Variants in FGF12 observed in about 807,000 individuals in gnomAD.
FGF12 encodes fibroblast growth factor 12.
A neutral mutation model predicts 23.6 loss-of-function variants in FGF12; 14 were observed. The ratio of observed to expected loss-of-function variants is 0.59; its 90% CI spans 0.39 to 0.93. The LOEUF is 0.93. Ranked by LOEUF, FGF12 falls within the 40% of genes least tolerant of loss-of-function variation. The pLI, the probability that FGF12 is intolerant of heterozygous loss-of-function variation, is 0.00. For synonymous variants in FGF12, 62 were observed against 77.3 expected (o/e 0.80, Z 1.04); for missense variants, 175 against 217.8 (o/e 0.80, Z 1.24).
At chr3:192,711,497 G>A (rs981947101) in intron 2 of FGF12, among the ~76,000 whole-genome samples, 18 of 152,108 alleles carry the variant, frequency 1.2e-4, no homozygotes, top group South Asian at 4.2e-4. Context: ...CGGTTTTGTC[G>A]AATAGAAAAG....
intron 2 of FGF12, among the ~76,000 whole-genome samples, chr3:192,676,619 A>G (rs1717335191): frequency 6.6e-6 from 1 of 152,230 alleles, no homozygotes; most frequent in Non-Finnish European, 1.5e-5. Context: ...ATGTAACCAT[A>G]TTTTGAGATA....
intron 2 of FGF12, among the ~76,000 whole-genome samples, chr3:192,416,489 A>G (rs1011197225): frequency 1.1e-4 from 17 of 152,142 alleles, no homozygotes; most frequent in Non-Finnish European, 2.1e-4. Context: ...TTGTGAAATG[A>G]GAAAAAGTGT....
chr3:192,507,623 A>G (rs1724354236), intron 2 of FGF12, among the ~76,000 whole-genome samples: 1 of 152,160 alleles, frequency 6.6e-6, no homozygotes, highest in South Asian at 2.1e-4. Context: ...GTTTTAGACA[A>G]TGCAACACCA....
At chr3:192,429,205 C>T (rs1721778144) in intron 2 of FGF12, among the ~76,000 whole-genome samples, 1 of 152,142 alleles carries the variant, frequency 6.6e-6, no homozygotes, top group Non-Finnish European at 1.5e-5. Context: ...AAGCTTAAGA[C>T]ATCTGACTCT....
rs530854314 is a variant in FGF12, at chr3:192,651,083, C to G, written c.13+76098G>C. Among the ~76,000 whole-genome samples the G allele has an allele frequency of 4.6e-5, 7 of 152,288 alleles. No homozygotes were observed. The South Asian group carries it at 1.5e-3, about 32-fold the overall frequency. On this transcript the variant is annotated intron_variant, in intron 2 of 5. Transcript: ENST00000445105. The stretch of plus-strand genomic sequence containing the variant: ...TGTCCTTTGTATTCGTAGGCACAGA[C>G]ACCTACTAGGAAGTTAAATGTGTAA...
chr3:192,679,618 C>G (rs2108705388), intron 2 of FGF12, among the ~76,000 whole-genome samples: 1 of 150,402 alleles, frequency 6.6e-6, no homozygotes, highest in East Asian at 1.9e-4. Flanking sequence ...CACCGTCCCC[C>G]ACCCCAGCCT....
At chr3:192,637,692 C>T (rs372430477) in intron 2 of FGF12, among the ~76,000 whole-genome samples, 1 of 152,100 alleles carries the variant, frequency 6.6e-6, no homozygotes, top group Non-Finnish European at 1.5e-5. Flanking sequence ...GAATAGAATT[C>T]TTTTCCTAAG....
rs747292935 is a variant in FGF12 at position 192,517,974 on chromosome 3, C to CA, written c.14-157437dup. Among the ~76,000 whole-genome samples the CA allele has an allele frequency of 2.0e-4, 31 of 151,300 alleles. No homozygotes were observed. The East Asian group carries it at 3.7e-3, about 18-fold the overall frequency. On this transcript the variant is annotated intron_variant, in intron 2 of 5. Coordinates refer to ENST00000445105, the MANE Select transcript of FGF12 (RefSeq NM_004113.6). ...ACATCCCAAAAAAGACAAAACAAAA[C>CA]AAAAAAAATAGCCAGGAGCACATGA...
intron 3 of FGF12, among the ~76,000 whole-genome samples, chr3:192,353,513 G>T (rs1214163416): frequency 1.3e-5 from 2 of 151,890 alleles, no homozygotes; most frequent in Admixed American, 1.3e-4. Context: ...AGGACTACAG[G>T]CGCCCGCCAC....
At chr3:192,373,956 A>G (rs1387270230) in intron 2 of FGF12, among the ~76,000 whole-genome samples, 2 of 152,210 alleles carry the variant, frequency 1.3e-5, no homozygotes, top group East Asian at 3.8e-4. Context: ...TCTCAAACTT[A>G]TGGAGACGGT....
intron 4 of FGF12, among the ~76,000 whole-genome samples, chr3:192,293,274 A>C (rs1023406186): frequency 6.6e-6 from 1 of 152,136 alleles, no homozygotes; most frequent in African/African-American, 2.4e-5. Flanking sequence ...AGGAAGAAAA[A>C]CACTTTCTCT....
At chr3:192,451,632 C>T (rs1722524443) in intron 2 of FGF12, among the ~76,000 whole-genome samples, 2 of 152,040 alleles carry the variant, frequency 1.3e-5, no homozygotes, top group South Asian at 4.1e-4. Flanking sequence ...ACTAAAAGTC[C>T]CAGACACAAT....
At chr3:192,175,191 G>A (rs1331121767) in intron 4 of FGF12, among the ~76,000 whole-genome samples, 3 of 152,158 alleles carry the variant, frequency 2.0e-5, no homozygotes, top group African/African-American at 7.2e-5. Context: ...ACGGAAACAG[G>A]CAGGCTTGGG....
At chr3:192,415,733 C>CTCTCAT (rs1553810108) in intron 2 of FGF12, among the ~76,000 whole-genome samples, 4 of 100,054 alleles carry the variant, frequency 4.0e-5, no homozygotes, top group Non-Finnish European at 6.1e-5. Flanking sequence ...CTCTCTCTCT[C>CTCTCAT]ACACACACAC....
At chr3:192,415,065 T>C (rs1203432303) in intron 2 of FGF12, among the ~76,000 whole-genome samples, 1 of 152,126 alleles carries the variant, frequency 6.6e-6, no homozygotes, top group Non-Finnish European at 1.5e-5. Flanking sequence ...AAACAGAAAG[T>C]AAAGAAGCTT....
In FGF12 at chr3:192,647,787, C is replaced by T. The variant is rs78867330; in HGVS notation, c.13+79394G>A. 1.1e-4 allele frequency among the ~76,000 whole-genome samples: 16 copies of T among 149,712 alleles called. No individual in the cohort carries two copies. In the East Asian group the frequency reaches 2.7e-3, roughly 26 times the overall value. On this transcript the variant is annotated intron_variant, in intron 2 of 5. Coordinates refer to ENST00000445105, the MANE Select transcript of FGF12 (RefSeq NM_004113.6). The stretch of plus-strand genomic sequence containing the variant: ...TACACACACTATATATATACACACA[C>T]GAATATATGATGGAGATTCCATCAA...
intron 2 of FGF12, among the ~76,000 whole-genome samples, chr3:192,384,582 T>C (rs1430102004): frequency 1.3e-5 from 2 of 152,184 alleles, no homozygotes; most frequent in African/African-American, 2.4e-5. Context: ...TGACTTCTCT[T>C]TATAACAGGT....
At chr3:192,439,970 C>T (rs1384395835) in intron 2 of FGF12, among the ~76,000 whole-genome samples, 22 of 131,934 alleles carry the variant, frequency 1.7e-4, no homozygotes, top group Non-Finnish European at 2.7e-4. Flanking sequence ...AGCAAGACTC[C>T]ATATGGAAAA....
chr3:192,485,793 T>C (rs550973984), intron 2 of FGF12, among the ~76,000 whole-genome samples: 11 of 152,284 alleles, frequency 7.2e-5, no homozygotes, highest in Admixed American at 5.9e-4. Flanking sequence ...AATAAAAGCA[T>C]AGAAACATTA....
Sources: gnomAD v4.1 joint callset for allele counts (sites outside exome capture counted in the v4.1 genomes callset) on GRCh38, gnomAD v4.1.1 for gene constraint, MANE v1.5 for transcripts, NCBI Gene and HGNC (gene_info 2026-07-23, HGNC 2026-07-21) for gene names.